TNR: variants seen among roughly 807,000 people sequenced by gnomAD.
The protein encoded by TNR is tenascin R.
In TNR, 45 loss-of-function variants were observed where a neutral mutation model predicts 150.4. That is an observed-to-expected ratio of 0.30 (90% CI 0.24 to 0.38). The LOEUF is 0.38. TNR is among the 10% of genes least tolerant of loss of function. TNR has a pLI of 1.00. For synonymous variants in TNR, 687 were observed against 678.4 expected (o/e 1.01, Z -0.20); for missense variants, 1,544 against 1,759.1 (o/e 0.88, Z 2.19).
chr1:175,463,903 C>A (rs551042046), intron 2 of TNR, among the ~76,000 whole-genome samples: 3 of 152,280 alleles, frequency 2.0e-5, no homozygotes, highest in East Asian at 1.9e-4. Flanking sequence ...AGTCAATAAC[C>A]AACTCCATTA....
chr1:175,707,506 A>G (rs986263378), intron 1 of TNR, among the ~76,000 whole-genome samples: 1 of 152,242 alleles, frequency 6.6e-6, no homozygotes, highest in African/African-American at 2.4e-5. Context: ...AAATTTATAA[A>G]GAAACACTGA....
intron 7 of TNR, among the ~76,000 whole-genome samples, chr1:175,389,344 A>G (rs1653069926): frequency 2.0e-5 from 3 of 152,190 alleles, no homozygotes; most frequent in African/African-American, 7.2e-5. Flanking sequence ...CCTTTTCCTC[A>G]AAGCAAGCCA....
intron 1 of TNR, among the ~76,000 whole-genome samples, chr1:175,687,795 C>A (rs915067861): frequency 6.6e-6 from 1 of 151,958 alleles, no homozygotes; most frequent in Admixed American, 6.6e-5. Context: ...CAAGATGCAT[C>A]CCATATGGCT....
At chr1:175,424,362 G>C (rs1439896617) in intron 2 of TNR, among the ~76,000 whole-genome samples, 1 of 152,168 alleles carries the variant, frequency 6.6e-6, no homozygotes, top group African/African-American at 2.4e-5. Flanking sequence ...TCCCAACAAG[G>C]GAAAAGCTTC....
intron 1 of TNR, among the ~76,000 whole-genome samples, chr1:175,584,727 C>G (rs568755201): frequency 6.6e-6 from 1 of 152,146 alleles, no homozygotes; most frequent in South Asian, 2.1e-4. Context: ...AACATTTTTA[C>G]TCATAATAAT....
intron 2 of TNR, among the ~76,000 whole-genome samples, chr1:175,520,300 T>G (rs1322094059): frequency 1.3e-5 from 2 of 152,170 alleles, no homozygotes; most frequent in African/African-American, 4.8e-5. Flanking sequence ...AATTCTTAAA[T>G]CATCTCCCAG....
At chr1:175,454,638 A>AT (rs991915105) in intron 2 of TNR, among the ~76,000 whole-genome samples, 1 of 151,952 alleles carries the variant, frequency 6.6e-6, no homozygotes, top group African/African-American at 2.4e-5. Flanking sequence ...CACCTGGCTA[A>AT]TTTTTGTGTT....
intron 2 of TNR, among the ~76,000 whole-genome samples, chr1:175,434,722 C>T (rs1177354957): frequency 6.6e-6 from 1 of 152,120 alleles, no homozygotes; most frequent in Non-Finnish European, 1.5e-5. Flanking sequence ...GTGTGTTTCT[C>T]CCTATTTCAG....
intron 1 of TNR, among the ~76,000 whole-genome samples, chr1:175,534,000 G>A (rs573192672): frequency 6.6e-6 from 1 of 152,172 alleles, no homozygotes; most frequent in African/African-American, 2.4e-5. Context: ...AGAAGACATT[G>A]CTTTAAGGTC....
intron 2 of TNR, among the ~76,000 whole-genome samples, chr1:175,418,034 T>C (rs190183643): frequency 9.2e-5 from 14 of 152,162 alleles, no homozygotes; most frequent in Admixed American, 9.2e-4. Flanking sequence ...AGGTGAATTA[T>C]ACCTTCTAGT....
chr1:175,471,985 C>T (rs1056775761), intron 2 of TNR, among the ~76,000 whole-genome samples: 1 of 151,716 alleles, frequency 6.6e-6, no homozygotes. Flanking sequence ...AAAACCAAAG[C>T]ACACTAGCTG....
chr1:175,485,957 G>A (rs1487299946), intron 2 of TNR, among the ~76,000 whole-genome samples: 2 of 152,076 alleles, frequency 1.3e-5, no homozygotes, highest in African/African-American at 4.8e-5. Context: ...TCCAGGTTTA[G>A]CAAAGTGATT....
intron 14 of TNR, among the ~76,000 whole-genome samples, chr1:175,359,990 A>G (rs1413625082): frequency 6.6e-6 from 1 of 152,150 alleles, no homozygotes; most frequent in Non-Finnish European, 1.5e-5. Context: ...ATAACTTCTT[A>G]TGTGCAGAAT....
At chr1:175,457,997 T>A (rs1186731824) in intron 2 of TNR, among the ~76,000 whole-genome samples, 1 of 152,222 alleles carries the variant, frequency 6.6e-6, no homozygotes, top group East Asian at 1.9e-4. Context: ...ATACAAATTA[T>A]TCAAAATCTC....
intron 1 of TNR, among the ~76,000 whole-genome samples, chr1:175,646,075 G>A (rs977838550): frequency 3.2e-4 from 48 of 152,206 alleles, no homozygotes; most frequent in Non-Finnish European, 1.0e-4. Context: ...ATTAAAGGGT[G>A]AATGTGTTTG....
intron 9 of TNR, among the ~76,000 whole-genome samples, chr1:175,370,579 C>A (rs563294916): frequency 7.2e-5 from 11 of 151,910 alleles, no homozygotes; most frequent in Non-Finnish European, 1.5e-4. Flanking sequence ...GATTGCAATA[C>A]CCCCTGATCC....
In TNR at chr1:175,318,488, G is replaced by A. The variant is rs2101973319; in HGVS notation, c.*4869C>T. The A allele has an allele frequency of 6.6e-6, 1 of 152,306 alleles. No individual in the cohort carries two copies. The highest frequency in any genetic ancestry group is 1.9e-4 in the East Asian group (1 of 5,192). 9.4% of individuals were successfully genotyped at this position (152,306 alleles called of 1,614,324 possible). A position where few individuals can be genotyped will look rare whatever the true frequency, so the allele number is the denominator to read the frequency against. On this transcript the variant is annotated 3_prime_UTR_variant, in exon 23 of 23. Transcript: ENST00000367674. ...CAATACATCATCTTAAAGCATATAG[G>A]AGTTACTTTCCCTGCTTGCTTTTGA...
intron 1 of TNR, among the ~76,000 whole-genome samples, chr1:175,668,495 C>G (rs1665596112): frequency 6.6e-6 from 1 of 152,206 alleles, no homozygotes; most frequent in Non-Finnish European, 1.5e-5. Flanking sequence ...GACTCACCCA[C>G]TGGGTACTGA....
intron 1 of TNR, among the ~76,000 whole-genome samples, chr1:175,713,380 C>T (rs907691362): frequency 1.3e-5 from 2 of 152,120 alleles, no homozygotes; most frequent in East Asian, 3.8e-4. Flanking sequence ...GGCATACTTG[C>T]AGAAGATTTT....
Sources: gnomAD v4.1 joint callset for allele counts (sites outside exome capture counted in the v4.1 genomes callset) on GRCh38, gnomAD v4.1.1 for gene constraint, MANE v1.5 for transcripts, NCBI Gene and HGNC (gene_info 2026-07-23, HGNC 2026-07-21) for gene names.